Variants in RIMKLA observed in about 807,000 individuals in gnomAD.
RIMKLA encodes the protein N-acetylaspartylglutamate synthase A.
In RIMKLA, 14 loss-of-function variants were observed where a neutral mutation model predicts 32.7. The observed-to-expected ratio is 0.43, with a 90% confidence interval of 0.28 to 0.67. RIMKLA has a LOEUF of 0.67. RIMKLA is among the 30% of genes least tolerant of loss of function. RIMKLA has a pLI of 0.18. For missense variants in RIMKLA, 410 were observed against 519.0 expected (o/e 0.79, Z 2.04); for synonymous variants, 176 against 204.1 (o/e 0.86, Z 1.18).
chr1:42,404,859 G>C (rs911699569), intron 3 of RIMKLA, among the ~76,000 whole-genome samples: 2 of 151,918 alleles, frequency 1.3e-5, no homozygotes, highest in African/African-American at 4.8e-5. Flanking sequence ...TTCTTTTTTT[G>C]AAGTAATTTC....
intron 1 of RIMKLA, among the ~76,000 whole-genome samples, chr1:42,389,662 A>G (rs944509395): frequency 1.3e-5 from 2 of 151,962 alleles, no homozygotes; most frequent in African/African-American, 4.8e-5. Flanking sequence ...AAAATAAAAA[A>G]ATTTAGCCGG....
chr1:42,395,376 T>TAA (rs1557753176), intron 1 of RIMKLA, among the ~76,000 whole-genome samples: 1 of 150,702 alleles, frequency 6.6e-6, no homozygotes, highest in Non-Finnish European at 1.5e-5. Context: ...TTTTTTTTTT[T>TAA]AAGTGGTTTG....
chr1:42,383,301 C>G (rs1028929203), intron 1 of RIMKLA, among the ~76,000 whole-genome samples: 3 of 152,178 alleles, frequency 2.0e-5, no homozygotes, highest in Non-Finnish European at 2.9e-5. Context: ...GTAGCCTACA[C>G]AAATCACAAA....
chr1:42,385,841 T>TC (rs1557749902), intron 1 of RIMKLA, among the ~76,000 whole-genome samples: 7,114 of 78,322 alleles, frequency 0.091, 1,357 homozygotes, highest in East Asian at 0.16. Flanking sequence ...TCTTTCTTTC[T>TC]TTCTCTTTCT....
chr1:42,383,642 G>T (rs893121209), intron 1 of RIMKLA, among the ~76,000 whole-genome samples: 1 of 152,174 alleles, frequency 6.6e-6, no homozygotes, highest in Non-Finnish European at 1.5e-5. Flanking sequence ...TGATGATATT[G>T]ATATTATTTA....
intron 1 of RIMKLA, among the ~76,000 whole-genome samples, chr1:42,396,994 G>A (rs1465922409): frequency 6.7e-6 from 1 of 148,172 alleles, no homozygotes; most frequent in Non-Finnish European, 1.5e-5. Flanking sequence ...AGTGTCAAAG[G>A]AATTTTTCAA....
At chr1:42,411,026 G>C (rs879510760) in intron 4 of RIMKLA, among the ~76,000 whole-genome samples, 9 of 152,190 alleles carry the variant, frequency 5.9e-5, no homozygotes, top group Admixed American at 1.3e-4. Flanking sequence ...CAGGTAGCAC[G>C]TGGTCCCATA....
In RIMKLA at chr1:42,423,215, G is replaced by C. The variant is rs115566185; in HGVS notation, c.*8241G>C. Among the ~76,000 whole-genome samples the C allele has an allele frequency of 6.6e-6, 1 of 152,158 alleles. No homozygotes were observed. Among genetic ancestry groups the C allele is most frequent in the East Asian group, 1.9e-4 (1 of 5,192 alleles). On this transcript the variant is annotated 3_prime_UTR_variant, in exon 5 of 5. Transcript: ENST00000431473. ...GGGATAGTGCTTGATTGCTGCAGCC[G>C]AGGATGATTTGGGGTATGACATTAT...
At position 42,404,537 on chromosome 1, in the gene RIMKLA, A is replaced by G. The variant is rs1159293560; in HGVS notation, c.421A>G (p.Ile141Val). ...YGGHEDFSKM[I>V]DEAEPLGYPV... is the part of the protein sequence containing the mutation. ...TGGGCATGAAGACTTTTCAAAAATGATTGATGAAGCTGAGCCCCTGGGCTA... is the reference window on the plus strand; with the variant it reads ...TGGGCATGAAGACTTTTCAAAAATGGTTGATGAAGCTGAGCCCCTGGGCTA... Residue 141 changes from isoleucine (I) to valine (V), a missense_variant, in exon 3 of 5, where the codon ATT becomes GTT. Transcript: ENST00000431473. 2 of 1,613,766 alleles carry G rather than the reference A, an allele frequency of 1.2e-6. No homozygotes were observed. The highest frequency in any genetic ancestry group is 1.7e-4 in the Middle Eastern group (1 of 6,060).
At chr1:42,381,855 C>T (rs1642892034) in intron 1 of RIMKLA, among the ~76,000 whole-genome samples, 1 of 152,184 alleles carries the variant, frequency 6.6e-6, no homozygotes, top group Admixed American at 6.5e-5. Context: ...ATACAGGCCT[C>T]TCTGATTTAG....
intron 1 of RIMKLA, among the ~76,000 whole-genome samples, chr1:42,392,488 C>T (rs1420297784): frequency 6.6e-6 from 1 of 152,172 alleles, no homozygotes; most frequent in Non-Finnish European, 1.5e-5. Flanking sequence ...CTGTCAGTCC[C>T]TTTGGCTTTT....
chr1:42,392,686 G>A (rs994814099), intron 1 of RIMKLA, among the ~76,000 whole-genome samples: 3 of 152,144 alleles, frequency 2.0e-5, no homozygotes, highest in Admixed American at 2.0e-4. Flanking sequence ...CTTGAAATTG[G>A]CTGGGCATAG....
intron 4 of RIMKLA, 136 bp downstream of exon 4, chr1:42,410,323 C>T: frequency 1.4e-6 from 1 of 729,520 alleles, no homozygotes; most frequent in Non-Finnish European, 2.2e-6. Flanking sequence ...AAACTCTTTC[C>T]TATGGCAGCA....
At chr1:42,409,237 T>C (rs910027650) in intron 3 of RIMKLA, among the ~76,000 whole-genome samples, 2 of 126,936 alleles carry the variant, frequency 1.6e-5, no homozygotes, top group African/African-American at 6.1e-5. Flanking sequence ...AAAAAGCTGA[T>C]GCTAAATAAT....
At chr1:42,399,059 C>T (rs755255004) in intron 1 of RIMKLA, among the ~76,000 whole-genome samples, 9 of 151,482 alleles carry the variant, frequency 5.9e-5, no homozygotes, top group African/African-American at 2.2e-4. Context: ...AAAACTATTT[C>T]CTTTTCATTA....
At position 42,409,201 on chromosome 1, in the gene RIMKLA, C is replaced by CAAAA. The variant is rs59543497; in HGVS notation, c.482-756_482-753dup. On this transcript the variant is annotated intron_variant, in intron 3 of 4. Coordinates refer to ENST00000431473, the MANE Select transcript of RIMKLA (RefSeq NM_173642.4). The stretch of plus-strand genomic sequence containing the variant: ...TGGGTGACAGAGCGAGACTCTGTCT[C>CAAAA]AAAAAAAAAAAAAAAAAAAAAAAAA... 5.4e-3 allele frequency among the ~76,000 whole-genome samples: 350 copies of CAAAA among 64,492 alleles called. 26 individuals are homozygous for CAAAA. Among genetic ancestry groups the CAAAA allele is most frequent in the African/African-American group, 0.023 (338 of 14,842 alleles). The allele number at this position is 64,492 out of a possible 152,430, so 42.3% of individuals were successfully genotyped here.
intron 1 of RIMKLA, among the ~76,000 whole-genome samples, chr1:42,381,915 G>A (rs887193800): frequency 2.0e-5 from 3 of 152,154 alleles, no homozygotes; most frequent in Admixed American, 6.5e-5. Flanking sequence ...GTGTCTCTGG[G>A]GCTCCACTGG....
Position 42,380,923 on chromosome 1 carries a change from G to A in RIMKLA, c.-12G>A. 1.4e-6 allele frequency: 2 copies of A among 1,392,504 alleles called. No homozygotes were observed. The highest frequency in any genetic ancestry group is 1.6e-5 in the South Asian group (1 of 64,242). 86.3% of individuals were successfully genotyped at this position (1,392,504 alleles called of 1,614,324 possible). A position where few individuals can be genotyped will look rare whatever the true frequency, so the allele number is the denominator to read the frequency against. Reference sequence around the variant, plus strand: ...GGGTCCGCGCCGCGCGGGGCGCACCGCCCTGGCCGCCATGTGCTCCCAGCT... The same window carrying A: ...GGGTCCGCGCCGCGCGGGGCGCACCACCCTGGCCGCCATGTGCTCCCAGCT... On this transcript the variant is annotated 5_prime_UTR_variant, in exon 1 of 5. Transcript: ENST00000431473.
At chr1:42,381,834 G>A (rs1044685592) in intron 1 of RIMKLA, among the ~76,000 whole-genome samples, 1 of 152,022 alleles carries the variant, frequency 6.6e-6, no homozygotes, top group Non-Finnish European at 1.5e-5. Flanking sequence ...TTATTTTTTC[G>A]TATATCCTTA....
Sources: gnomAD v4.1 joint callset for allele counts (sites outside exome capture counted in the v4.1 genomes callset) on GRCh38, gnomAD v4.1.1 for gene constraint, MANE v1.5 for transcripts, NCBI Gene and HGNC (gene_info 2026-07-23, HGNC 2026-07-21) for gene names.